ITGA9: variants seen among roughly 807,000 people sequenced by gnomAD.
The protein encoded by ITGA9 is integrin subunit alpha 9.
Under a neutral mutation model 127.8 loss-of-function variants are expected in ITGA9, and 56 were observed. The observed-to-expected ratio is 0.44, with a 90% confidence interval of 0.35 to 0.55. The LOEUF is 0.55. ITGA9 is among the 20% of genes least tolerant of loss of function. The probability of loss-of-function intolerance (pLI) is 0.00; values close to 1 mark genes in which losing one functional copy is unlikely to be tolerated. For missense variants in ITGA9, 1,196 were observed against 1,347.1 expected (o/e 0.89, Z 1.76); for synonymous variants, 508 against 514.5 (o/e 0.99, Z 0.17).
chr3:37,572,088 A>G (rs1167768212), intron 15 of ITGA9, among the ~76,000 whole-genome samples: 1 of 152,004 alleles, frequency 6.6e-6, no homozygotes, highest in Admixed American at 6.6e-5. Flanking sequence ...GACCATTATC[A>G]TTCAGCTGCC....
chr3:37,640,928 T>C (rs1700327084), intron 16 of ITGA9, among the ~76,000 whole-genome samples: 2 of 152,132 alleles, frequency 1.3e-5, no homozygotes, highest in Admixed American at 6.5e-5. Context: ...GATCCTGCTG[T>C]TCCCTTCCTG....
At chr3:37,671,321 A>T (rs1319698756) in intron 17 of ITGA9, among the ~76,000 whole-genome samples, 1 of 152,346 alleles carries the variant, frequency 6.6e-6, no homozygotes, top group East Asian at 1.9e-4. Flanking sequence ...CAGATGAGGC[A>T]GGAGGAGGGA....
intron 15 of ITGA9, among the ~76,000 whole-genome samples, chr3:37,580,751 C>T (rs1353722434): frequency 6.6e-6 from 1 of 152,156 alleles, no homozygotes; most frequent in Non-Finnish European, 1.5e-5. Context: ...TTTGGAAATA[C>T]GTACAGTAAT....
chr3:37,790,598 G>T (rs1697097117), intron 26 of ITGA9, among the ~76,000 whole-genome samples: 1 of 152,122 alleles, frequency 6.6e-6, no homozygotes, highest in Admixed American at 6.5e-5. Flanking sequence ...GAGCATTTGG[G>T]TGAATAACTA....
intron 18 of ITGA9, among the ~76,000 whole-genome samples, chr3:37,713,464 TG>T (rs1701100221): frequency 6.6e-6 from 1 of 152,134 alleles, no homozygotes; most frequent in Non-Finnish European, 1.5e-5. Flanking sequence ...AGATGCAGAC[TG>T]GGGCCATGGA....
In ITGA9 at chr3:37,452,470, C is replaced by G; in HGVS notation, c.96C>G (p.Leu32=). ...GGATCCCCGCGGGCGCCTACAACCT[C>G]GACCCGCAGCGCCCCGTGCACTTCC... ...VAGIPAGAYN[L]DPQRPVHFQG... The change falls in exon 1 of 28, where the codon CTC becomes CTG. Residue 32 remains leucine, a synonymous_variant. Transcript: ENST00000264741. This position sits in a 1 kb window ranked among gnomAD's most constrained non-coding sequence, Gnocchi z 7.3. 6.7e-7 allele frequency: 1 copy of G among 1,501,932 alleles called. No homozygotes were observed. The highest frequency in any genetic ancestry group is 8.9e-7 in the Non-Finnish European group (1 of 1,124,772). The allele number at this position is 1,501,932 out of a possible 1,614,324, so 93.0% of individuals were successfully genotyped here.
At chr3:37,774,542 A>AAG (rs1553668405) in intron 23 of ITGA9, among the ~76,000 whole-genome samples, 3 of 151,526 alleles carry the variant, frequency 2.0e-5, no homozygotes, top group African/African-American at 7.3e-5. Context: ...CAAAAAAAAA[A>AAG]AAAAGAAACC....
intron 8 of ITGA9, among the ~76,000 whole-genome samples, chr3:37,508,925 C>G (rs1317594934): frequency 6.6e-6 from 1 of 152,208 alleles, no homozygotes; most frequent in Admixed American, 6.5e-5. Context: ...ACTGCATGCC[C>G]TGTCTCTCTG....
chr3:37,524,909 A>G (rs1699077759), intron 12 of ITGA9, among the ~76,000 whole-genome samples: 1 of 152,246 alleles, frequency 6.6e-6, no homozygotes, highest in Non-Finnish European at 1.5e-5. Flanking sequence ...TTTTATTTTT[A>G]AACATATAGC....
Position 37,779,985 on chromosome 3 carries a change from C to T in ITGA9, c.2751C>T (p.Asp917=), listed in dbSNP as rs551148795. The T allele has an allele frequency of 1.9e-6, 3 of 1,614,020 alleles. No homozygotes were observed. Among genetic ancestry groups the T allele is most frequent in the Non-Finnish European group, 2.5e-6 (3 of 1,179,896 alleles). Residue 917 remains aspartate, a synonymous_variant, in exon 25 of 28, where the codon GAC becomes GAT. Coordinates refer to ENST00000264741, the MANE Select transcript of ITGA9 (RefSeq NM_002207.3). ...ALAKEESRTI[D]IYMLLNTEIL... is the part of the protein sequence containing the mutation. ...CTAAAGAAGAAAGTCGTACTATAGACATTTACATGCTGCTGAACACAGAAA... is the reference window on the plus strand; with the variant it reads ...CTAAAGAAGAAAGTCGTACTATAGATATTTACATGCTGCTGAACACAGAAA...
intron 15 of ITGA9, among the ~76,000 whole-genome samples, chr3:37,561,949 G>A (rs1158114916): frequency 6.6e-6 from 1 of 152,164 alleles, no homozygotes; most frequent in East Asian, 1.9e-4. Flanking sequence ...TGAAGTCAGG[G>A]AATAAGAATT....
In ITGA9 at chr3:37,629,492, A is replaced by C; in HGVS notation, c.1839+156A>C. The C allele has an allele frequency of 1.3e-6, 1 of 766,604 alleles. No homozygotes were observed. Among genetic ancestry groups the C allele is most frequent in the South Asian group, 1.5e-5 (1 of 67,762 alleles). The allele number at this position is 766,604 out of a possible 1,614,324, so 47.5% of individuals were successfully genotyped here. A position where few individuals can be genotyped will look rare whatever the true frequency, so the allele number is the denominator to read the frequency against. ...GGGTCTCCCTTTTCTGATCTGCAAAATGATAAAATAAACAGTCTTAGGGGT... is the reference window on the plus strand; with the variant it reads ...GGGTCTCCCTTTTCTGATCTGCAAACTGATAAAATAAACAGTCTTAGGGGT... On this transcript the variant is annotated intron_variant, in intron 16 of 27. Coordinates refer to ENST00000264741, the MANE Select transcript of ITGA9 (RefSeq NM_002207.3). This position sits in a 1 kb window ranked among gnomAD's most constrained non-coding sequence, Gnocchi z 4.5.
chr3:37,642,760 A>C (rs920152750), intron 16 of ITGA9, among the ~76,000 whole-genome samples: 3 of 152,210 alleles, frequency 2.0e-5, no homozygotes, highest in Non-Finnish European at 4.4e-5. Flanking sequence ...GTCTAATGGT[A>C]ATTTTTAACT....
chr3:37,727,167 G>C (rs1324704973), intron 18 of ITGA9, among the ~76,000 whole-genome samples: 1 of 152,216 alleles, frequency 6.6e-6, no homozygotes, highest in African/African-American at 2.4e-5. Flanking sequence ...CCAGCATCTT[G>C]AGAGTATTGT....
chr3:37,734,090 CAGTGGCCA>C (rs140282379), intron 19 of ITGA9, among the ~76,000 whole-genome samples: 11 of 152,364 alleles, frequency 7.2e-5, no homozygotes, highest in South Asian at 6.2e-4. Context: ...GGCGAAACCA[CAGTGGCCA>C]AGTGGCCAAG....
At chr3:37,478,348 G>A (rs1412484298) in intron 3 of ITGA9, among the ~76,000 whole-genome samples, 4 of 152,146 alleles carry the variant, frequency 2.6e-5, no homozygotes, top group Non-Finnish European at 4.4e-5. Flanking sequence ...CGAAGCACCC[G>A]GAAAGTGCCA....
chr3:37,683,932 T>C lies in ITGA9; in HGVS notation c.1984T>C (p.Ser662Pro). The change falls in exon 18 of 28, where the codon TCC becomes CCC. Residue 662 changes from serine (S) to proline (P), a missense_variant. Coordinates refer to ENST00000264741, the MANE Select transcript of ITGA9 (RefSeq NM_002207.3). ...VKNISLNISI[S>P]NLGDDAYDAN... is the part of the protein sequence containing the mutation. ...GAACATCTCCCTAAACATCTCTATC[T>C]CCAACCTCGGAGATGATGCCTATGA... 6.2e-7 allele frequency: 1 copy of C among 1,614,042 alleles called. No homozygotes were observed. The highest frequency in any genetic ancestry group is 8.5e-7 in the Non-Finnish European group (1 of 1,179,914).
intron 17 of ITGA9, among the ~76,000 whole-genome samples, chr3:37,679,793 T>C (rs1358995841): frequency 1.3e-5 from 2 of 152,214 alleles, no homozygotes; most frequent in African/African-American, 4.8e-5. Context: ...TGAGAAATTA[T>C]GTGCCAGGCA....
At chr3:37,620,666 C>A (rs1319806532) in intron 15 of ITGA9, among the ~76,000 whole-genome samples, 1 of 152,168 alleles carries the variant, frequency 6.6e-6, no homozygotes, top group Non-Finnish European at 1.5e-5. Context: ...CTGGTCCTGT[C>A]ACCTCTCTTC....
Sources: allele counts gnomAD v4.1 joint callset (sites outside exome capture counted in the v4.1 genomes callset), GRCh38; gene constraint gnomAD v4.1.1; non-coding constraint Gnocchi (gnomAD v3.1); transcripts MANE v1.5; gene names NCBI Gene and HGNC (gene_info 2026-07-23, HGNC 2026-07-21).